The following ZNF684 variants were observed in gnomAD, a reference collection of about 807,000 sequenced individuals.
ZNF684 encodes the protein hypothetical protein MGC27466.
A neutral mutation model predicts 12.8 loss-of-function variants in ZNF684; 13 were observed. That is an observed-to-expected ratio of 1.02 (90% confidence interval 0.66 to 1.62). ZNF684 has a LOEUF of 1.62. ZNF684 is among the 40% of genes most tolerant of loss of function. The pLI, the probability that ZNF684 is intolerant of heterozygous loss-of-function variation, is 0.00. For synonymous variants in ZNF684, 118 were observed against 151.8 expected, an observed-to-expected ratio of 0.78 and a Z score of 1.64; for missense variants, 384 against 446.9, an observed-to-expected ratio of 0.86 and a Z score of 1.27.
rs768086859 is a variant in ZNF684, at chr1:40,540,724, G to C, written c.142+12G>C. 2 of 1,583,668 alleles carry C rather than the reference G, an allele frequency of 1.3e-6. No individual in the cohort carries two copies. The highest frequency in any genetic ancestry group is 3.7e-5 in the Admixed American group (2 of 54,604). On this transcript the variant is annotated intron_variant, in intron 3 of 4. Transcript: ENST00000372699. Reference sequence around the variant, plus strand: ...CCTCATCTCAGTGGGTAAGGACAATGAGTGGTAACTTTTCAGTGTAATTCA... The same window carrying C: ...CCTCATCTCAGTGGGTAAGGACAATCAGTGGTAACTTTTCAGTGTAATTCA...
chr1:40,545,332 G>A (rs1252713826), intron 4 of ZNF684, among the ~76,000 whole-genome samples: 2 of 151,888 alleles, frequency 1.3e-5, no homozygotes, highest in East Asian at 3.8e-4. Context: ...ATTTTTTTTT[G>A]ATGGGAACAG....
chr1:40,532,432 A>G (rs1459462394), intron 1 of ZNF684, among the ~76,000 whole-genome samples: 2 of 151,610 alleles, frequency 1.3e-5, no homozygotes, highest in Non-Finnish European at 2.9e-5. Flanking sequence ...ATGTTTGAGC[A>G]ATGAATGCTG....
At position 40,547,165 on chromosome 1, in the gene ZNF684, G is replaced by C. The variant is rs765720577; in HGVS notation, c.842G>C (p.Arg281Thr). ...FECKECGKTF[R>T]YSSSLYKHSR... ...TGTAAGGAATGTGGGAAAACCTTCA[G>C]GTATAGTTCATCCCTTTATAAACAT... Residue 281 changes from arginine to threonine, a missense_variant, in exon 5 of 5, where the codon AGG becomes ACG. Coordinates refer to ENST00000372699, the MANE Select transcript of ZNF684 (RefSeq NM_152373.4). The C allele has an allele frequency of 5.0e-6, 8 of 1,614,060 alleles. No homozygotes were observed. The African/African-American group carries it at 9.3e-5, about 19-fold the overall frequency.
At chr1:40,534,747 C>T (rs1645975440) in intron 2 of ZNF684, among the ~76,000 whole-genome samples, 1 of 151,440 alleles carries the variant, frequency 6.6e-6, no homozygotes, top group Non-Finnish European at 1.5e-5. Flanking sequence ...ATTCCCAGCA[C>T]TTTGGGAGGC....
chr1:40,546,557 T>G lies in ZNF684; in HGVS notation c.239-5T>G, dbSNP rs1289325328. On this transcript the variant is annotated splice_polypyrimidine_tract_variant and splice_region_variant and intron_variant, in intron 4 of 4. Coordinates refer to ENST00000372699, the MANE Select transcript of ZNF684 (RefSeq NM_152373.4). The stretch of plus-strand genomic sequence containing the variant: ...CTAGGAATGTTTTGTTGTACTCCTT[T>G]TTAGAATCTGACTACCCACTTGTTG... 1 of 1,532,156 alleles carries G rather than the reference T, an allele frequency of 6.5e-7. No individual in the cohort carries two copies. Among genetic ancestry groups the G allele is most frequent in the Non-Finnish European group, 8.7e-7 (1 of 1,145,932 alleles). 94.9% of individuals were successfully genotyped at this position (1,532,156 alleles called of 1,614,324 possible).
intron 2 of ZNF684, among the ~76,000 whole-genome samples, chr1:40,537,270 T>C (rs181325666): frequency 4.7e-4 from 72 of 152,342 alleles, no homozygotes; most frequent in Non-Finnish European, 7.8e-4. Flanking sequence ...TAGAGTCTAA[T>C]AGAGTGTAAG....
chr1:40,536,619 C>T (rs1235155154), intron 2 of ZNF684, among the ~76,000 whole-genome samples: 4 of 144,766 alleles, frequency 2.8e-5, no homozygotes, highest in Non-Finnish European at 6.0e-5. Flanking sequence ...CCCACTAACT[C>T]GTCATCTAGC....
At position 40,546,832 on chromosome 1, in the gene ZNF684, A is replaced by G. The variant is rs772311701; in HGVS notation, c.509A>G (p.Lys170Arg). The change falls in exon 5 of 5, where the codon AAG becomes AGG. Residue 170 changes from lysine to arginine, a missense_variant. Physicochemically the swap from Lys to Arg is conservative, Grantham distance 26. Coordinates refer to ENST00000372699, the MANE Select transcript of ZNF684 (RefSeq NM_152373.4). ...ECSECGKAFKKKFHFIRHEKN... is the reference protein window; with the variant it reads ...ECSECGKAFKRKFHFIRHEKN... ...AGTGAATGCGGGAAAGCCTTCAAAAAGAAGTTTCATTTCATTAGACATGAA... is the reference window on the plus strand; with the variant it reads ...AGTGAATGCGGGAAAGCCTTCAAAAGGAAGTTTCATTTCATTAGACATGAA... 1 of 1,612,142 alleles carries G rather than the reference A, an allele frequency of 6.2e-7. No individual in the cohort carries two copies. Among genetic ancestry groups the G allele is most frequent in the South Asian group, 1.1e-5 (1 of 90,358 alleles).
chr1:40,542,220 A>ACC (rs1282702534), intron 4 of ZNF684, among the ~76,000 whole-genome samples: 1 of 152,200 alleles, frequency 6.6e-6, no homozygotes, highest in Non-Finnish European at 1.5e-5. Context: ...TACATGCAAA[A>ACC]CACTTCAAAT....
At chr1:40,539,590 T>TC (rs1646003927) in intron 2 of ZNF684, among the ~76,000 whole-genome samples, 1 of 152,216 alleles carries the variant, frequency 6.6e-6, no homozygotes, top group Non-Finnish European at 1.5e-5. Flanking sequence ...TACAAGAGTT[T>TC]CGGTTTCTCC....
intron 2 of ZNF684, among the ~76,000 whole-genome samples, chr1:40,538,825 A>AAAACAAAC (rs141890741): frequency 6.1e-4 from 91 of 150,000 alleles, no homozygotes; most frequent in African/African-American, 1.6e-3. Context: ...TCCATCTCAA[A>AAAACAAAC]AAACAAACAA....
At chr1:40,536,960 G>A (rs901307081) in intron 2 of ZNF684, among the ~76,000 whole-genome samples, 2 of 151,742 alleles carry the variant, frequency 1.3e-5, no homozygotes. Context: ...TGTGAATAAT[G>A]CCGCAATAAA....
chr1:40,546,083 C>T (rs145657211), intron 4 of ZNF684, among the ~76,000 whole-genome samples: 7 of 152,046 alleles, frequency 4.6e-5, no homozygotes, highest in African/African-American at 1.7e-4. Flanking sequence ...CCACCACACC[C>T]GGCTAATTTT....
intron 4 of ZNF684, among the ~76,000 whole-genome samples, 197 bp from the exon 5 acceptor site, chr1:40,546,365 T>C (rs572378521): frequency 7.2e-5 from 11 of 152,342 alleles, no homozygotes; most frequent in Admixed American, 7.2e-4. Flanking sequence ...TAATTTACTG[T>C]CTTTCCACAG....
intron 1 of ZNF684, among the ~76,000 whole-genome samples, chr1:40,532,364 T>TC (rs1645962630): frequency 6.6e-6 from 1 of 151,498 alleles, no homozygotes; most frequent in Admixed American, 6.6e-5. Flanking sequence ...ATTTCTTTTT[T>TC]TTTTTTTTTA....
At chr1:40,537,889 C>T (rs988612322) in intron 2 of ZNF684, among the ~76,000 whole-genome samples, 8 of 152,192 alleles carry the variant, frequency 5.3e-5, no homozygotes, top group Admixed American at 4.6e-4. Flanking sequence ...CTACTCATTC[C>T]TCCCTTTCCC....
At chr1:40,537,585 C>CA (rs541531033) in intron 2 of ZNF684, among the ~76,000 whole-genome samples, 104 of 151,618 alleles carry the variant, frequency 6.9e-4, no homozygotes, top group Admixed American at 3.2e-3. Flanking sequence ...ACTAAAAGTA[C>CA]AAAAAAAATT....
At chr1:40,535,766 C>G (rs16827359) in intron 2 of ZNF684, among the ~76,000 whole-genome samples, 39,839 of 151,930 alleles carry the variant, frequency 0.26, 6,783 homozygotes, top group East Asian at 0.47. Flanking sequence ...TTTCCCAGTA[C>G]TGAACTATCT....
rs56731628 is a variant in ZNF684 at position 40,541,150 on chromosome 1, C to G, written c.142+438C>G. 3.2e-3 allele frequency among the ~76,000 whole-genome samples: 489 copies of G among 150,578 alleles called. 12 individuals carry two copies. The East Asian group carries it at 0.071, about 22-fold the overall frequency. ...TCCCCTCTGAGCTTCACGTAGTCTG[C>G]TTATTCTTCTCCTTCCCAGATGGAG... On this transcript the variant is annotated intron_variant, in intron 3 of 4. Transcript: ENST00000372699.
Sources: gnomAD v4.1 joint callset for allele counts (sites outside exome capture counted in the v4.1 genomes callset) on GRCh38, gnomAD v4.1.1 for gene constraint, MANE v1.5 for transcripts, NCBI Gene and HGNC (gene_info 2026-07-23, HGNC 2026-07-21) for gene names.